The following XRN1 variants were observed in gnomAD, a reference collection of about 807,000 sequenced individuals.
The protein encoded by XRN1 is strand-exchange protein 1 homolog.
XRN1 carries 67 observed loss-of-function variants against 222.3 expected under a neutral mutation model. That is an observed-to-expected ratio of 0.30 (90% CI 0.25 to 0.37). The LOEUF is 0.37. XRN1 is among the 10% of genes least tolerant of loss of function. The pLI, the probability that XRN1 is intolerant of heterozygous loss-of-function variation, is 1.00. For missense variants in XRN1, 1,707 were observed against 2,000.2 expected (o/e 0.85, Z 2.80); for synonymous variants, 643 against 652.4 (o/e 0.99, Z 0.22).
At position 142,437,728 on chromosome 3, in the gene XRN1, T is replaced by C. The variant is rs925744288; in HGVS notation, c.76-4835A>G. ...CAAGTTAAAAAGCTTCTGCACAGCA[T>C]AGGAAACAATCAGCAAAGTGAAGAG... is the stretch of plus-strand genomic sequence containing the variant. On this transcript the variant is annotated intron_variant, in intron 1 of 40. Coordinates refer to ENST00000392981, the MANE Select transcript of XRN1 (RefSeq NM_001282857.2). Among the ~76,000 whole-genome samples, 4 of 152,110 alleles carry C rather than the reference T, an allele frequency of 2.6e-5. No homozygotes were observed. The South Asian group carries it at 6.2e-4, about 24-fold the overall frequency.
chr3:142,394,776 C>G (rs1043250505), intron 20 of XRN1, among the ~76,000 whole-genome samples: 1 of 152,192 alleles, frequency 6.6e-6, no homozygotes, highest in Non-Finnish European at 1.5e-5. Flanking sequence ...CAAAAACCAG[C>G]TCTACTCAAT....
intron 37 of XRN1, among the ~76,000 whole-genome samples, chr3:142,321,206 G>C (rs1200857028): frequency 7.3e-6 from 1 of 137,768 alleles, no homozygotes; most frequent in Non-Finnish European, 1.5e-5. Flanking sequence ...TGCAACTTCT[G>C]CCTCCCAGGT....
Position 142,335,434 on chromosome 3 carries a change from T to C in XRN1, c.3939+14A>G. The C allele has an allele frequency of 6.2e-7, 1 of 1,612,960 alleles. No individual in the cohort carries two copies. Among genetic ancestry groups the C allele is most frequent in the Non-Finnish European group, 8.5e-7 (1 of 1,179,206 alleles). On this transcript the variant is annotated intron_variant, in intron 34 of 40. Transcript: ENST00000392981. The stretch of plus-strand genomic sequence containing the variant: ...AAAATTGGTAACTAGAAATTTGATT[T>C]TAAGGAAGCTTACCTGCTTATTGGA...
At chr3:142,397,591 T>C (rs1287578389) in intron 19 of XRN1, 131 bp from the exon 20 acceptor site, 3 of 569,560 alleles carry the variant, frequency 5.3e-6, no homozygotes, top group Non-Finnish European at 8.0e-6. Flanking sequence ...AACTGTAATG[T>C]AAATTACAAA....
intron 33 of XRN1, among the ~76,000 whole-genome samples, chr3:142,343,188 G>A (rs183766781): frequency 2.6e-5 from 4 of 152,100 alleles, no homozygotes; most frequent in East Asian, 1.9e-4. Context: ...TCAGCCAGGC[G>A]CTCACACCTG....
chr3:142,411,328 G>A (rs2068569995), intron 15 of XRN1, among the ~76,000 whole-genome samples: 1 of 151,912 alleles, frequency 6.6e-6, no homozygotes, highest in African/African-American at 2.4e-5. Flanking sequence ...TCCATTGTTT[G>A]TTCATTTTCT....
At chr3:142,354,331 T>C (rs1357741289) in intron 32 of XRN1, among the ~76,000 whole-genome samples, 1 of 152,156 alleles carries the variant, frequency 6.6e-6, no homozygotes, top group Non-Finnish European at 1.5e-5. Context: ...CTGGTAGGAA[T>C]GTAAATTAGT....
chr3:142,307,469 T>C lies in XRN1; in HGVS notation c.*4042A>G, dbSNP rs954248444. The C allele has an allele frequency of 2.0e-5, 3 of 152,172 alleles. No individual in the cohort carries two copies. The highest frequency in any genetic ancestry group is 4.4e-5 in the Non-Finnish European group (3 of 68,032). 9.4% of individuals were successfully genotyped at this position (152,172 alleles called of 1,614,324 possible). The stretch of plus-strand genomic sequence containing the variant: ...ATTGCACTTGAGATGGCTGAATGCA[T>C]TGATTGAGCAAGGCATTATTATTTG... On this transcript the variant is annotated 3_prime_UTR_variant, in exon 41 of 41. Coordinates refer to ENST00000392981, the MANE Select transcript of XRN1 (RefSeq NM_001282857.2).
At chr3:142,382,646 C>T (rs1056125336) in intron 22 of XRN1, among the ~76,000 whole-genome samples, 7 of 151,980 alleles carry the variant, frequency 4.6e-5, no homozygotes, top group African/African-American at 1.7e-4. Flanking sequence ...TCTGAGAAGC[C>T]CTGTTCCTTT....
intron 1 of XRN1, among the ~76,000 whole-genome samples, chr3:142,437,357 C>T (rs2069960353): frequency 6.6e-6 from 1 of 152,154 alleles, no homozygotes; most frequent in Non-Finnish European, 1.5e-5. Context: ...ATGCCCAGAT[C>T]TCCCACACTG....
rs1482624073 is a variant in XRN1, at chr3:142,405,204, C to A, written c.1714-128G>T. On this transcript the variant is annotated intron_variant, in intron 15 of 40. Transcript: ENST00000392981. ...CTCTTGAAAAACAAAAAACCAAAAT[C>A]TTAACTAATGAAACTCTTCCATTTT... 8 of 807,622 alleles carry A rather than the reference C, an allele frequency of 9.9e-6. No homozygotes were observed. The South Asian group carries it at 1.1e-4, about 11-fold the overall frequency. 50.0% of individuals were successfully genotyped at this position (807,622 alleles called of 1,614,324 possible).
At chr3:142,371,188 G>T in intron 26 of XRN1, 51 bp downstream of exon 26, 34 of 1,302,442 alleles carry the variant, frequency 2.6e-5, no homozygotes, top group Non-Finnish European at 3.6e-5. Flanking sequence ...AGTTGTCATT[G>T]AAAACACTGA....
chr3:142,403,676 G>C lies in XRN1; in HGVS notation c.2101C>G (p.Leu701Val). 1 of 1,611,612 alleles carries C rather than the reference G, an allele frequency of 6.2e-7. No homozygotes were observed. Among genetic ancestry groups the C allele is most frequent in the Non-Finnish European group, 8.5e-7 (1 of 1,178,356 alleles). ...TGAATGATAAATAAAATACTTACAA[G>C]TTCATCTGATTCTGCATCCACTAAG... ...EILVDAESDE[L>V]TVENVASSVL... Residue 701 changes from leucine (L) to valine (V), a missense_variant and splice_region_variant, in exon 18 of 41, where the codon CTT becomes GTT. Leu to Val is a conservative substitution (Grantham distance 32). This residue lies in a region of XRN1 where 1,234 missense variants were observed against 1,518.2 expected (regional missense o/e 0.81). Transcript: ENST00000392981.
intron 10 of XRN1, among the ~76,000 whole-genome samples, chr3:142,419,895 C>T (rs895260010): frequency 4.6e-5 from 7 of 151,710 alleles, no homozygotes; most frequent in African/African-American, 1.7e-4. Context: ...TTCAAGTTAA[C>T]ACAAGACATT....
Position 142,335,565 on chromosome 3 carries a change from A to C in XRN1, c.3878-56T>G. ...ATGGAAGTGTTTACTGCACAATTAA[A>C]ACTACCAAATATTTATAATAGCAAG... is the stretch of plus-strand genomic sequence containing the variant. On this transcript the variant is annotated intron_variant, in intron 33 of 40. Transcript: ENST00000392981. 8 of 1,434,632 alleles carry C rather than the reference A, an allele frequency of 5.6e-6. 1 individual carries two copies. Among genetic ancestry groups the C allele is most frequent in the Non-Finnish European group, 7.8e-6 (8 of 1,027,430 alleles). The allele number at this position is 1,434,632 out of a possible 1,614,324, so 88.9% of individuals were successfully genotyped here.
At chr3:142,434,935 C>A (rs2069804978) in intron 1 of XRN1, 1 of 151,936 alleles carries the variant, frequency 6.6e-6, no homozygotes, top group South Asian at 2.1e-4. Flanking sequence ...AAAAAAATTA[C>A]ATACAAATAT....
At chr3:142,376,696 C>A in intron 23 of XRN1, 102 bp from the exon 24 acceptor site, 2 of 824,026 alleles carry the variant, frequency 2.4e-6, no homozygotes, top group East Asian at 2.8e-5. Context: ...ACATCACTAA[C>A]CATTGGATTG....
At chr3:142,368,384 G>C (rs1445477128) in intron 27 of XRN1, among the ~76,000 whole-genome samples, 2 of 152,042 alleles carry the variant, frequency 1.3e-5, no homozygotes, top group Non-Finnish European at 2.9e-5. Context: ...CCTGACCTCA[G>C]GTGATCCACC....
In XRN1 at chr3:142,318,622, T is replaced by C. The variant is rs777440098; in HGVS notation, c.4591A>G (p.Thr1531Ala). 7.5e-6 allele frequency: 12 copies of C among 1,608,606 alleles called. No homozygotes were observed. Among genetic ancestry groups the C allele is most frequent in the East Asian group, 4.5e-5 (2 of 44,798 alleles). ...GGTGGGGGAAAGGCTGGAGGAATGGTTCCAGGTGGTACAGCTGAAGGATAA... is the reference window on the plus strand; with the variant it reads ...GGTGGGGGAAAGGCTGGAGGAATGGCTCCAGGTGGTACAGCTGAAGGATAA... ...ANYPSAVPPG[T>A]IPPAFPPPTA... is the part of the protein sequence containing the mutation. The change falls in exon 39 of 41, where the codon ACC becomes GCC. Residue 1531 changes from threonine (T) to alanine (A), a missense_variant. Thr to Ala is a moderately conservative substitution (Grantham distance 58, BLOSUM62 0). Transcript: ENST00000392981.
Sources: gnomAD v4.1 joint callset for allele counts (sites outside exome capture counted in the v4.1 genomes callset) on GRCh38, gnomAD v4.1.1 for gene constraint, gnomAD v4.1.1 regional missense constraint, MANE v1.5 for transcripts, NCBI Gene and HGNC (gene_info 2026-07-23, HGNC 2026-07-21) for gene names.